Variants in PRKG1 observed in about 807,000 individuals in gnomAD.
PRKG1 encodes protein kinase cGMP-dependent 1, also known as cGMP-dependent protein kinase 1.
A neutral mutation model predicts 88.1 loss-of-function variants in PRKG1; 35 were observed. The observed-to-expected ratio is 0.40, with a 90% CI of 0.30 to 0.53. The LOEUF is 0.53. PRKG1 is among the 20% of genes least tolerant of loss of function. The pLI, the probability that PRKG1 is intolerant of heterozygous loss-of-function variation, is 0.59. For synonymous variants in PRKG1, 303 were observed against 292.5 expected (o/e 1.04, Z -0.37); for missense variants, 540 against 839.8 (o/e 0.64, Z 4.41).
intron 1 of PRKG1, among the ~76,000 whole-genome samples, chr10:51,087,763 T>C (rs1273814863): frequency 6.6e-6 from 1 of 152,182 alleles, no homozygotes; most frequent in Non-Finnish European, 1.5e-5. Flanking sequence ...CAATTTTGGT[T>C]TGCTGTTTTG....
chr10:52,052,867 C>T (rs921576154), intron 5 of PRKG1, among the ~76,000 whole-genome samples: 6 of 152,116 alleles, frequency 3.9e-5, no homozygotes, highest in Non-Finnish European at 8.8e-5. Context: ...GAGGTCAAGG[C>T]TGCAATGAGC....
chr10:51,312,683 ATGTG>A (rs34906561), intron 2 of PRKG1, among the ~76,000 whole-genome samples: 1 of 150,814 alleles, frequency 6.6e-6, no homozygotes, highest in Non-Finnish European at 1.5e-5. Context: ...AGATGGATAT[ATGTG>A]TGTGTGTGTG....
intron 5 of PRKG1, among the ~76,000 whole-genome samples, chr10:52,000,494 T>C (rs373833748): frequency 4.4e-4 from 67 of 152,202 alleles, no homozygotes; most frequent in African/African-American, 1.6e-3. Context: ...AAATCAAGAT[T>C]GGCATTTACA....
chr10:51,650,035 T>C (rs958780744), intron 3 of PRKG1, among the ~76,000 whole-genome samples: 9 of 152,296 alleles, frequency 5.9e-5, no homozygotes, highest in Admixed American at 1.3e-4. Flanking sequence ...ATCTTCTCTC[T>C]AGGTCTAACT....
chr10:51,606,916 G>A (rs1160514358), intron 3 of PRKG1, among the ~76,000 whole-genome samples: 3 of 152,134 alleles, frequency 2.0e-5, no homozygotes, highest in African/African-American at 7.2e-5. Context: ...AAGCTAATCT[G>A]CTGATTGCTA....
At chr10:51,034,171 T>A (rs899787619) in intron 1 of PRKG1, among the ~76,000 whole-genome samples, 1 of 152,184 alleles carries the variant, frequency 6.6e-6, no homozygotes, top group Non-Finnish European at 1.5e-5. Context: ...TTCATGAACT[T>A]AGAGATTAAG....
At chr10:51,149,777 A>G (rs1846021128) in intron 1 of PRKG1, among the ~76,000 whole-genome samples, 1 of 152,078 alleles carries the variant, frequency 6.6e-6, no homozygotes, top group Non-Finnish European at 1.5e-5. Context: ...CTTTGCAAAC[A>G]GGTTGATTTT....
In PRKG1 at chr10:51,268,751, C is replaced by T. The variant is rs552338776; in HGVS notation, c.478+115421C>T. ...CATCCTCCTCAGCTTACGAAAATGA[C>T]GGGATTAAGAGATTAAAGTAAAGAC... On this transcript the variant is annotated intron_variant, in intron 2 of 17. Transcript: ENST00000373980. 1.8e-4 allele frequency among the ~76,000 whole-genome samples: 28 copies of T among 152,088 alleles called. No individual in the cohort carries two copies. In the South Asian group the frequency reaches 2.7e-3, roughly 15 times the overall value.
chr10:51,877,696 A>G (rs1197711205), intron 4 of PRKG1, among the ~76,000 whole-genome samples: 1 of 152,228 alleles, frequency 6.6e-6, no homozygotes, highest in Non-Finnish European at 1.5e-5. Flanking sequence ...AACCAATTTC[A>G]AAAAGATTAC....
At chr10:51,801,323 T>C (rs1589298444) in intron 3 of PRKG1, among the ~76,000 whole-genome samples, 1 of 152,130 alleles carries the variant, frequency 6.6e-6, no homozygotes, top group African/African-American at 2.4e-5. Flanking sequence ...AATTGTTTCA[T>C]ACAATTCTCA....
chr10:51,485,861 C>T (rs947071449), intron 3 of PRKG1, among the ~76,000 whole-genome samples: 4 of 152,096 alleles, frequency 2.6e-5, no homozygotes, highest in African/African-American at 9.7e-5. Flanking sequence ...AGCTTGCTAA[C>T]GGTGTCAACT....
chr10:52,291,975 G>T (rs1387294741), intron 17 of PRKG1, among the ~76,000 whole-genome samples: 1 of 152,150 alleles, frequency 6.6e-6, no homozygotes, highest in Non-Finnish European at 1.5e-5. Flanking sequence ...TCTCATTGTT[G>T]TGTTGATTTG....
chr10:51,117,625 G>A (rs970885611), intron 1 of PRKG1, among the ~76,000 whole-genome samples: 1 of 152,176 alleles, frequency 6.6e-6, no homozygotes, highest in Non-Finnish European at 1.5e-5. Flanking sequence ...ACAACAATTA[G>A]GAAGTGGATA....
intron 1 of PRKG1, among the ~76,000 whole-genome samples, chr10:51,007,236 C>T (rs910939547): frequency 2.6e-5 from 4 of 151,972 alleles, no homozygotes; most frequent in Non-Finnish European, 4.4e-5. Context: ...TGAGCCACTG[C>T]GTCCGGCTGG....
chr10:51,924,550 G>C (rs1366139411), intron 5 of PRKG1, among the ~76,000 whole-genome samples: 1 of 151,950 alleles, frequency 6.6e-6, no homozygotes, highest in Non-Finnish European at 1.5e-5. Context: ...GATATTCTCT[G>C]AGTTTCCTGG....
intron 3 of PRKG1, among the ~76,000 whole-genome samples, chr10:51,686,633 G>C (rs1405060193): frequency 6.6e-6 from 1 of 152,158 alleles, no homozygotes; most frequent in East Asian, 1.9e-4. Context: ...AAGCACATTT[G>C]TTTCCCCCAT....
chr10:51,485,843 A>G (rs1840517508), intron 3 of PRKG1, among the ~76,000 whole-genome samples: 1 of 152,194 alleles, frequency 6.6e-6, no homozygotes, highest in African/African-American at 2.4e-5. Flanking sequence ...AATGTGCTAT[A>G]GTGTAGCAGC....
At chr10:52,258,041 T>A (rs1281748838) in intron 10 of PRKG1, among the ~76,000 whole-genome samples, 1 of 139,738 alleles carries the variant, frequency 7.2e-6, no homozygotes, top group East Asian at 2.1e-4. Context: ...ATAATAAAAT[T>A]TAGATTACAT....
intron 2 of PRKG1, among the ~76,000 whole-genome samples, chr10:51,277,811 G>C (rs1474267624): frequency 6.6e-6 from 1 of 152,216 alleles, no homozygotes; most frequent in Non-Finnish European, 1.5e-5. Flanking sequence ...TTTGTATCCT[G>C]AGACTTTGCT....
Sources: gnomAD v4.1 joint callset for allele counts (sites outside exome capture counted in the v4.1 genomes callset) on GRCh38, gnomAD v4.1.1 for gene constraint, MANE v1.5 for transcripts, NCBI Gene and HGNC (gene_info 2026-07-23, HGNC 2026-07-21) for gene names.